The following CLSTN2 variants were observed in gnomAD, a reference collection of about 807,000 sequenced individuals.
CLSTN2 encodes calsyntenin-2.
Under a neutral mutation model 101.2 loss-of-function variants are expected in CLSTN2, and 48 were observed. That is an observed-to-expected ratio of 0.47 (90% confidence interval 0.38 to 0.60). CLSTN2 has a LOEUF of 0.60. Among genes scored for constraint, CLSTN2 ranks in the 20% least tolerant of loss-of-function variants. The probability of loss-of-function intolerance (pLI) is 0.00; values close to 1 mark genes in which losing one functional copy is unlikely to be tolerated. For synonymous variants in CLSTN2, 481 were observed against 463.6 expected, an observed-to-expected ratio of 1.04 and a Z score of -0.48; for missense variants, 1,160 against 1,238.2, an observed-to-expected ratio of 0.94 and a Z score of 0.95.
chr3:140,050,359 A>G (rs1457450792), intron 1 of CLSTN2, among the ~76,000 whole-genome samples: 1 of 152,116 alleles, frequency 6.6e-6, no homozygotes, highest in African/African-American at 2.4e-5. Flanking sequence ...AATCACTACT[A>G]TTTGACCTAC....
intron 2 of CLSTN2, among the ~76,000 whole-genome samples, chr3:140,183,533 A>T (rs2010439754): frequency 1.3e-5 from 2 of 152,236 alleles, no homozygotes; most frequent in Non-Finnish European, 2.9e-5. Flanking sequence ...ATGAAAAGTG[A>T]ATAATGAAAT....
chr3:140,003,586 G>C (rs900681779), intron 1 of CLSTN2, among the ~76,000 whole-genome samples: 1 of 152,072 alleles, frequency 6.6e-6, no homozygotes, highest in African/African-American at 2.4e-5. Flanking sequence ...AGTGGTAAAA[G>C]TGGGCATCCT....
At chr3:140,255,278 G>C (rs1292608606) in intron 2 of CLSTN2, among the ~76,000 whole-genome samples, 1 of 152,138 alleles carries the variant, frequency 6.6e-6, no homozygotes, top group Admixed American at 6.5e-5. Context: ...ACTAACATTT[G>C]ACCCAGCAAT....
intron 2 of CLSTN2, among the ~76,000 whole-genome samples, chr3:140,248,266 C>G (rs2086533302): frequency 6.6e-6 from 1 of 152,206 alleles, no homozygotes; most frequent in South Asian, 2.1e-4. Flanking sequence ...AGTGTAGACA[C>G]AAACCATACT....
Position 140,224,050 on chromosome 3 carries a change from T to C in CLSTN2, c.232+47977T>C, listed in dbSNP as rs1295120009. Among the ~76,000 whole-genome samples, 65 of 152,334 alleles carry C rather than the reference T, an allele frequency of 4.3e-4. 1 individual carries two copies. On this transcript the variant is annotated intron_variant, in intron 2 of 16. Coordinates refer to ENST00000458420, the MANE Select transcript of CLSTN2 (RefSeq NM_022131.3). ...AAATGGGATATTTTGGTGAGGCCAC[T>C]TAGGCTAATACCCTTACAGTATAGT...
chr3:140,120,036 G>C (rs1042318175), intron 1 of CLSTN2, among the ~76,000 whole-genome samples: 10 of 152,188 alleles, frequency 6.6e-5, no homozygotes, highest in Non-Finnish European at 1.5e-4. Context: ...GACCAAATGC[G>C]TAGAGGTTTT....
intron 2 of CLSTN2, among the ~76,000 whole-genome samples, chr3:140,218,391 T>C (rs780090328): frequency 2.0e-5 from 3 of 152,172 alleles, no homozygotes; most frequent in Admixed American, 1.3e-4. Context: ...CTAAAAAGCT[T>C]TTGCTCACTT....
intron 2 of CLSTN2, among the ~76,000 whole-genome samples, chr3:140,292,713 A>G (rs577060585): frequency 7.9e-5 from 12 of 152,318 alleles, no homozygotes; most frequent in South Asian, 2.1e-4. Context: ...CTCAGGCTCA[A>G]TTTTATCATT....
chr3:139,943,366 G>T (rs1212878739), intron 1 of CLSTN2, among the ~76,000 whole-genome samples: 1 of 152,114 alleles, frequency 6.6e-6, no homozygotes, highest in South Asian at 2.1e-4. Context: ...CCATTATGCT[G>T]CTGTCAAGGT....
intron 2 of CLSTN2, among the ~76,000 whole-genome samples, chr3:140,290,830 C>T (rs543183459): frequency 6.6e-6 from 1 of 152,188 alleles, no homozygotes; most frequent in African/African-American, 2.4e-5. Context: ...TACCAGACAA[C>T]AGCTCCTTTA....
Position 140,275,511 on chromosome 3 carries a change from A to G in CLSTN2, c.232+99438A>G, listed in dbSNP as rs564333954. Among the ~76,000 whole-genome samples, 6 of 152,174 alleles carry G rather than the reference A, an allele frequency of 3.9e-5. No individual in the cohort carries two copies. The South Asian group carries it at 8.3e-4, about 21-fold the overall frequency. On this transcript the variant is annotated intron_variant, in intron 2 of 16. Coordinates refer to ENST00000458420, the MANE Select transcript of CLSTN2 (RefSeq NM_022131.3). The stretch of plus-strand genomic sequence containing the variant: ...GGTCCTGAACTCCTGGCTTCAAGCA[A>G]TCCTCCCACCTTGGCCTCCCAAAAT...
intron 6 of CLSTN2, among the ~76,000 whole-genome samples, chr3:140,456,746 C>A (rs943157982): frequency 6.6e-6 from 1 of 151,962 alleles, no homozygotes; most frequent in African/African-American, 2.4e-5. Flanking sequence ...AAGATCGCGC[C>A]ACTGTACTCT....
intron 2 of CLSTN2, among the ~76,000 whole-genome samples, chr3:140,287,707 T>C (rs2086908380): frequency 6.6e-6 from 1 of 152,142 alleles, no homozygotes; most frequent in South Asian, 2.1e-4. Flanking sequence ...GTGATGTAGG[T>C]ATTGAATTGC....
At chr3:140,504,244 C>T (rs73867192) in intron 8 of CLSTN2, among the ~76,000 whole-genome samples, 8,366 of 152,134 alleles carry the variant, frequency 0.055, 408 homozygotes, top group African/African-American at 0.13. Context: ...TGGACCTTTT[C>T]ATGAGAGCCT....
intron 2 of CLSTN2, among the ~76,000 whole-genome samples, chr3:140,325,113 G>T (rs1270178509): frequency 4.6e-5 from 7 of 152,092 alleles, no homozygotes; most frequent in Non-Finnish European, 7.4e-5. Context: ...ACTCAGGCTG[G>T]CCTTGAACTC....
intron 8 of CLSTN2, among the ~76,000 whole-genome samples, chr3:140,495,883 G>C (rs1934455347): frequency 6.6e-6 from 1 of 152,182 alleles, no homozygotes; most frequent in South Asian, 2.1e-4. Context: ...AGTATAGTTT[G>C]AAGTCAGGTA....
At chr3:140,173,465 T>C (rs999428095) in intron 1 of CLSTN2, among the ~76,000 whole-genome samples, 4 of 152,172 alleles carry the variant, frequency 2.6e-5, no homozygotes, top group Non-Finnish European at 4.4e-5. Context: ...TGTCAGTGGA[T>C]CTAGCATTCT....
chr3:139,951,108 A>G (rs1267586867), intron 1 of CLSTN2, among the ~76,000 whole-genome samples: 3 of 152,176 alleles, frequency 2.0e-5, no homozygotes, highest in African/African-American at 4.8e-5. Context: ...CTTTAATGCC[A>G]CTGGTACAGG....
chr3:140,474,824 T>C (rs1933942298), intron 8 of CLSTN2, among the ~76,000 whole-genome samples: 1 of 152,114 alleles, frequency 6.6e-6, no homozygotes. Flanking sequence ...AGCCCAGTCC[T>C]GAACCACAGC....
Sources: allele counts gnomAD v4.1 joint callset (sites outside exome capture counted in the v4.1 genomes callset), GRCh38; gene constraint gnomAD v4.1.1; transcripts MANE v1.5; gene names NCBI Gene and HGNC (gene_info 2026-07-23, HGNC 2026-07-21).